PPP1R12A: variants seen among roughly 807,000 people sequenced by gnomAD.
PPP1R12A encodes the protein protein phosphatase 1 regulatory subunit 12A.
A neutral mutation model predicts 139.6 loss-of-function variants in PPP1R12A; 19 were observed. The observed-to-expected ratio is 0.14, with a 90% confidence interval of 0.09 to 0.20. The LOEUF is 0.20. Among genes scored for constraint, PPP1R12A ranks in the 10% least tolerant of loss-of-function variants. The pLI is 1.00. For missense variants in PPP1R12A, 925 were observed against 1,211.5 expected, an observed-to-expected ratio of 0.76 and a Z score of 3.51; for synonymous variants, 427 against 420.6, an observed-to-expected ratio of 1.02 and a Z score of -0.19.
intron 1 of PPP1R12A, among the ~76,000 whole-genome samples, chr12:79,918,582 A>G (rs1887183119): frequency 6.6e-6 from 1 of 152,030 alleles, no homozygotes; most frequent in African/African-American, 2.4e-5. Context: ...CCTCAAGCCA[A>G]TCCACCTCCA....
chr12:79,830,947 A>G (rs1324660906), intron 4 of PPP1R12A, among the ~76,000 whole-genome samples: 1 of 152,208 alleles, frequency 6.6e-6, no homozygotes, highest in African/African-American at 2.4e-5. Flanking sequence ...TACTAAGTTA[A>G]GGAGTTTAAA....
intron 1 of PPP1R12A, 54 bp downstream of exon 1, chr12:79,934,641 G>A: frequency 6.9e-7 from 1 of 1,447,190 alleles, no homozygotes; most frequent in South Asian, 1.3e-5. Context: ...GGCCCGAGCA[G>A]GAGGCCGACG....
chr12:79,784,796 C>A (rs1592607591), intron 22 of PPP1R12A, among the ~76,000 whole-genome samples: 1 of 152,050 alleles, frequency 6.6e-6, no homozygotes, highest in South Asian at 2.1e-4. Flanking sequence ...ACCACCACAC[C>A]CAGCTATTTT....
intron 1 of PPP1R12A, among the ~76,000 whole-genome samples, chr12:79,910,057 A>G (rs577385815): frequency 6.6e-6 from 1 of 152,162 alleles, no homozygotes; most frequent in Non-Finnish European, 1.5e-5. Context: ...CTGACAACAA[A>G]TAACATTTAT....
At chr12:79,873,116 G>A (rs1487315894) in intron 1 of PPP1R12A, among the ~76,000 whole-genome samples, 178 bp from the exon 2 acceptor site, 3 of 151,888 alleles carry the variant, frequency 2.0e-5, no homozygotes, top group Non-Finnish European at 4.4e-5. Context: ...AATTGTTAAG[G>A]GTCCTTGCTT....
intron 3 of PPP1R12A, among the ~76,000 whole-genome samples, chr12:79,833,846 G>GAAAA (rs371589074): frequency 1.7e-5 from 2 of 116,782 alleles, no homozygotes; most frequent in Non-Finnish European, 1.6e-5. Flanking sequence ...CAAAGAAAAG[G>GAAAA]AAAAAAAAAA....
At chr12:79,834,208 C>A (rs941198270) in intron 3 of PPP1R12A, among the ~76,000 whole-genome samples, 12 of 152,138 alleles carry the variant, frequency 7.9e-5, no homozygotes, top group Admixed American at 3.3e-4. Context: ...AAAATAGCTT[C>A]TTTGATGACA....
intron 20 of PPP1R12A, 117 bp downstream of exon 20, chr12:79,790,350 G>C (rs2137004218): frequency 1.4e-6 from 1 of 725,740 alleles, no homozygotes; most frequent in Non-Finnish European, 2.1e-6. Flanking sequence ...ATCAAAATTT[G>C]TTTTTTATTA....
intron 14 of PPP1R12A, among the ~76,000 whole-genome samples, chr12:79,802,179 A>G (rs1233090569): frequency 1.3e-5 from 2 of 152,194 alleles, no homozygotes; most frequent in Non-Finnish European, 2.9e-5. Flanking sequence ...ACAATAAAAT[A>G]TTGAAAGGTC....
At chr12:79,925,060 GA>G (rs1362467820) in intron 1 of PPP1R12A, among the ~76,000 whole-genome samples, 2 of 150,488 alleles carry the variant, frequency 1.3e-5, no homozygotes, top group Non-Finnish European at 3.0e-5. Flanking sequence ...TCTCCTGAAA[GA>G]AAAAAAAACT....
At chr12:79,892,490 T>C (rs970137660) in intron 1 of PPP1R12A, among the ~76,000 whole-genome samples, 1 of 152,184 alleles carries the variant, frequency 6.6e-6, no homozygotes. Context: ...TGGCAATAAT[T>C]TTTTTAAAAA....
intron 2 of PPP1R12A, among the ~76,000 whole-genome samples, chr12:79,866,821 A>C (rs1033949685): frequency 9.9e-5 from 15 of 152,242 alleles, no homozygotes; most frequent in African/African-American, 3.6e-4. Context: ...AGGAAACAAC[A>C]GATGCTGGAG....
chr12:79,881,011 T>C (rs1046054030), intron 1 of PPP1R12A, among the ~76,000 whole-genome samples: 1 of 152,192 alleles, frequency 6.6e-6, no homozygotes, highest in South Asian at 2.1e-4. Context: ...ACCATATTCA[T>C]AGAAGATGGT....
rs755861083 is a variant in PPP1R12A, at chr12:79,934,739, C to G, written c.193G>C (p.Asp65His). The change falls in exon 1 of 25, where the codon GAC becomes CAC. Residue 65 changes from aspartate (D) to histidine (H), a missense_variant. By Grantham distance (81) the Asp-to-His change is moderately conservative. Coordinates refer to ENST00000450142, the MANE Select transcript of PPP1R12A (RefSeq NM_002480.3). ...CCGTCCACATTGGCGTAATTGATGT[C>G]GGCGCCGCGGTGCAGCAGCTTGAGG... is the stretch of plus-strand genomic sequence containing the variant. ...EVLKLLHRGA[D>H]INYANVDGLT... 1 of 1,549,808 alleles carries G rather than the reference C, an allele frequency of 6.5e-7. No homozygotes were observed. Among genetic ancestry groups the G allele is most frequent in the Non-Finnish European group, 8.7e-7 (1 of 1,146,030 alleles).
At chr12:79,874,813 T>C (rs932408969) in intron 1 of PPP1R12A, among the ~76,000 whole-genome samples, 21 of 152,204 alleles carry the variant, frequency 1.4e-4, no homozygotes, top group African/African-American at 4.8e-4. Context: ...AGGTACTCAT[T>C]GTTCCCCACA....
At chr12:79,828,281 CT>C (rs1377558623) in intron 5 of PPP1R12A, 38 bp downstream of exon 5, 1 of 1,541,510 alleles carries the variant, frequency 6.5e-7, no homozygotes, top group East Asian at 2.3e-5. Context: ...AACTATATTT[CT>C]AAAAGTTAAA....
chr12:79,893,018 T>G (rs1010068434), intron 1 of PPP1R12A, among the ~76,000 whole-genome samples: 1 of 151,400 alleles, frequency 6.6e-6, no homozygotes, highest in Non-Finnish European at 1.5e-5. Flanking sequence ...GCAGGAGAAC[T>G]GCTTGAACCT....
intron 1 of PPP1R12A, among the ~76,000 whole-genome samples, chr12:79,930,690 C>T (rs937869017): frequency 1.3e-5 from 2 of 151,926 alleles, no homozygotes; most frequent in South Asian, 4.1e-4. Context: ...GAGAATCGCT[C>T]GAATCCGGGA....
At chr12:79,879,336 C>G (rs1413533537) in intron 1 of PPP1R12A, among the ~76,000 whole-genome samples, 1 of 151,874 alleles carries the variant, frequency 6.6e-6, no homozygotes, top group East Asian at 1.9e-4. Flanking sequence ...TACTGAGCTC[C>G]AAGCCTGAGC....
Sources: gnomAD v4.1 joint callset for allele counts (sites outside exome capture counted in the v4.1 genomes callset) on GRCh38, gnomAD v4.1.1 for gene constraint, MANE v1.5 for transcripts, NCBI Gene and HGNC (gene_info 2026-07-23, HGNC 2026-07-21) for gene names.